PCDHGA7: variants seen among roughly 807,000 people sequenced by gnomAD.
PCDHGA7 encodes the protein protocadherin gamma-A7.
A neutral mutation model predicts 58.3 loss-of-function variants in PCDHGA7; 44 were observed. That is an observed-to-expected ratio of 0.75 (90% CI 0.59 to 0.97). The LOEUF (loss-of-function observed/expected upper bound fraction) is 0.97. Ranked by LOEUF, PCDHGA7 falls within the 50% of genes least tolerant of loss-of-function variation. The probability of loss-of-function intolerance (pLI) is 0.00; values close to 1 mark genes in which losing one functional copy is unlikely to be tolerated. For synonymous variants in PCDHGA7, 516 were observed against 504.2 expected (o/e 1.02, Z -0.31); for missense variants, 1,266 against 1,188.7 (o/e 1.06, Z -0.96).
In PCDHGA7 at chr5:141,384,758, G is replaced by A. The variant is rs369146747; in HGVS notation, c.1859G>A (p.Gly620Glu). ...KASEPGLFAV[G>E]LYTGEVRTAR... ...AGCGAGCCAGGACTCTTTGCGGTTG[G>A]GCTGTACACGGGCGAGGTGCGCACG... is the stretch of plus-strand genomic sequence containing the variant. The change falls in exon 1 of 4, where the codon GGG becomes GAG. Residue 620 changes from glycine to glutamate, a missense_variant. Coordinates refer to ENST00000518325, the MANE Select transcript of PCDHGA7 (RefSeq NM_018920.4). 57 of 1,613,872 alleles carry A rather than the reference G, an allele frequency of 3.5e-5. No individual in the cohort carries two copies. The highest frequency in any genetic ancestry group is 4.1e-5 in the Non-Finnish European group (48 of 1,180,038).
chr5:141,386,970 C>T (rs767088472), intron 1 of PCDHGA7, among the ~76,000 whole-genome samples: 17 of 152,108 alleles, frequency 1.1e-4, no homozygotes, highest in Non-Finnish European at 2.1e-4. Flanking sequence ...ATCTCAGTGA[C>T]TTTGTGTTTT....
chr5:141,486,083 C>T lies in PCDHGA7; in HGVS notation c.2425-8724C>T, dbSNP rs367657659. On this transcript the variant is annotated intron_variant, in intron 1 of 3. Coordinates refer to ENST00000518325, the MANE Select transcript of PCDHGA7 (RefSeq NM_018920.4). This position sits in a 1 kb window ranked among gnomAD's most constrained non-coding sequence, Gnocchi z 5.0. ...GCACCCCACTACTGGAAAGCTTACTCTTTTGGGGCCCCTAGACTTTGAGAG... is the reference window on the plus strand; with the variant it reads ...GCACCCCACTACTGGAAAGCTTACTTTTTTGGGGCCCCTAGACTTTGAGAG... The T allele has an allele frequency of 1.2e-6, 2 of 1,614,062 alleles. No individual in the cohort carries two copies. Among genetic ancestry groups the T allele is most frequent in the Non-Finnish European group, 1.7e-6 (2 of 1,180,040 alleles).
chr5:141,419,426 G>A (rs753089031), intron 1 of PCDHGA7: 19 of 1,613,194 alleles, frequency 1.2e-5, no homozygotes, highest in Non-Finnish European at 1.5e-5. Context: ...CTTCGACCAC[G>A]AGCAGCTGCG....
chr5:141,393,306 A>G (rs2092724552), intron 1 of PCDHGA7: 2 of 1,613,734 alleles, frequency 1.2e-6, no homozygotes, highest in African/African-American at 2.7e-5. Flanking sequence ...TGTGGGCGTG[A>G]ACTCCCTCCA....
At chr5:141,409,461 T>C in intron 1 of PCDHGA7, 1 of 1,613,928 alleles carries the variant, frequency 6.2e-7, no homozygotes, top group Non-Finnish European at 8.5e-7. Flanking sequence ...GAATACAATG[T>C]CACCATCGTA....
intron 1 of PCDHGA7, among the ~76,000 whole-genome samples, chr5:141,466,916 GT>G (rs1204028461): frequency 6.6e-6 from 1 of 152,010 alleles, no homozygotes; most frequent in Non-Finnish European, 1.5e-5. Context: ...AAAACTCCTT[GT>G]ATTAGGAATA....
chr5:141,429,861 A>C (rs1483953460), intron 1 of PCDHGA7, among the ~76,000 whole-genome samples: 1 of 152,226 alleles, frequency 6.6e-6, no homozygotes, highest in Non-Finnish European at 1.5e-5. Flanking sequence ...TCTTTGGACT[A>C]CCAATTTTCT....
intron 1 of PCDHGA7, chr5:141,409,177 T>C: frequency 3.1e-6 from 5 of 1,613,944 alleles, no homozygotes; most frequent in Non-Finnish European, 4.2e-6. Context: ...AGGACGGAGG[T>C]GGTCTCTCTA....
intron 1 of PCDHGA7, chr5:141,398,765 C>T (rs2093700875): frequency 6.2e-7 from 1 of 1,613,944 alleles, no homozygotes. Flanking sequence ...TTAGTCCTGA[C>T]TGCCTTGGAC....
intron 1 of PCDHGA7, chr5:141,394,644 G>C (rs765703225): frequency 1.2e-6 from 2 of 1,613,358 alleles, no homozygotes; most frequent in Admixed American, 3.3e-5. Context: ...CCTGCTCAAG[G>C]CCAGCGAGCC....
At chr5:141,479,023 GT>G (rs1436478867) in intron 1 of PCDHGA7, among the ~76,000 whole-genome samples, 1 of 152,056 alleles carries the variant, frequency 6.6e-6, no homozygotes, top group Non-Finnish European at 1.5e-5. Context: ...ATTTTCCTTT[GT>G]TTATACAGAT....
At chr5:141,408,353 G>A (rs1218585930) in intron 1 of PCDHGA7, 1 of 1,613,816 alleles carries the variant, frequency 6.2e-7, no homozygotes, top group Non-Finnish European at 8.5e-7. Flanking sequence ...GGGGAACCTC[G>A]CTAAGGATCT....
intron 1 of PCDHGA7, among the ~76,000 whole-genome samples, chr5:141,482,592 C>T (rs187714622): frequency 1.0e-4 from 15 of 142,934 alleles, no homozygotes; most frequent in East Asian, 6.1e-4. Context: ...TGGGACCAAA[C>T]GGGAAAAAAC....
chr5:141,432,715 C>T lies in PCDHGA7; in HGVS notation c.2424+47392C>T. 1 of 1,613,996 alleles carries T rather than the reference C, an allele frequency of 6.2e-7. No individual in the cohort carries two copies. The highest frequency in any genetic ancestry group is 8.5e-7 in the Non-Finnish European group (1 of 1,179,970). ...TGGCCGTCCAGGACCACGGCCAGCC[C>T]CCTCTCTCCGCCACTGTCACGCTCA... On this transcript the variant is annotated intron_variant, in intron 1 of 3. Transcript: ENST00000518325. This position sits in a 1 kb window ranked among gnomAD's most constrained non-coding sequence, Gnocchi z 6.0.
At chr5:141,408,458 G>T (rs760881860) in intron 1 of PCDHGA7, 4 of 1,614,066 alleles carry the variant, frequency 2.5e-6, no homozygotes, top group South Asian at 2.2e-5. Flanking sequence ...GGACTTACTT[G>T]TGAAGAACCG....
At chr5:141,422,777 C>T in intron 1 of PCDHGA7, 1 of 1,613,982 alleles carries the variant, frequency 6.2e-7, no homozygotes, top group Non-Finnish European at 8.5e-7. Context: ...GTTCTCTATG[C>T]CCTACAATCC....
At chr5:141,390,177 C>A in intron 1 of PCDHGA7, 1 of 1,613,986 alleles carries the variant, frequency 6.2e-7, no homozygotes, top group Non-Finnish European at 8.5e-7. Context: ...GTTTAATTTC[C>A]TAAAATGTAG....
intron 1 of PCDHGA7, among the ~76,000 whole-genome samples, chr5:141,475,625 G>C (rs1172186188): frequency 2.0e-5 from 3 of 152,204 alleles, no homozygotes; most frequent in African/African-American, 7.2e-5. Flanking sequence ...GGTTTGGTTC[G>C]ATCCCCTTTC....
intron 1 of PCDHGA7, chr5:141,423,638 A>G (rs771989468): frequency 2.5e-6 from 4 of 1,598,292 alleles, no homozygotes; most frequent in Non-Finnish European, 3.4e-6. Context: ...ATTTTAGGCA[A>G]ATGTGACCCG....
Sources: allele counts gnomAD v4.1 joint callset (sites outside exome capture counted in the v4.1 genomes callset), GRCh38; gene constraint gnomAD v4.1.1; non-coding constraint Gnocchi (gnomAD v3.1); transcripts MANE v1.5; gene names NCBI Gene and HGNC (gene_info 2026-07-23, HGNC 2026-07-21).